GNAL: variants seen among roughly 807,000 people sequenced by gnomAD.
The protein encoded by GNAL is G protein subunit alpha L.
GNAL carries 18 observed loss-of-function variants against 55.1 expected under a neutral mutation model. That is an observed-to-expected ratio of 0.33 (90% CI 0.23 to 0.48). The LOEUF is 0.48. Among genes scored for constraint, GNAL ranks in the 20% least tolerant of loss-of-function variants. The pLI is 0.99. For missense variants in GNAL, 412 were observed against 614.1 expected, an observed-to-expected ratio of 0.67 and a Z score of 3.48; for synonymous variants, 253 against 237.0, an observed-to-expected ratio of 1.07 and a Z score of -0.62.
At chr18:11,875,535 G>A (rs2036510613) in intron 10 of GNAL, among the ~76,000 whole-genome samples, 1 of 152,112 alleles carries the variant, frequency 6.6e-6, no homozygotes, top group Non-Finnish European at 1.5e-5. Context: ...ATAGTGAATG[G>A]GTTCTGCAAC....
At chr18:11,726,564 C>A (rs2032215870) in intron 1 of GNAL, among the ~76,000 whole-genome samples, 1 of 152,186 alleles carries the variant, frequency 6.6e-6, no homozygotes, top group East Asian at 1.9e-4. Context: ...CCTGGGGTTT[C>A]TTCTCCATGT....
chr18:11,755,736 T>A (rs1241848144), intron 4 of GNAL, among the ~76,000 whole-genome samples: 1 of 152,120 alleles, frequency 6.6e-6, no homozygotes, highest in Non-Finnish European at 1.5e-5. Context: ...TCTGGCCCCA[T>A]GTCTTTAACT....
chr18:11,777,612 T>C (rs2033819169), intron 4 of GNAL, among the ~76,000 whole-genome samples: 1 of 152,250 alleles, frequency 6.6e-6, no homozygotes. Context: ...TCCTTTTGCC[T>C]GTAATGTAAT....
At chr18:11,725,463 C>G (rs958348260) in intron 1 of GNAL, among the ~76,000 whole-genome samples, 1 of 152,118 alleles carries the variant, frequency 6.6e-6, no homozygotes, top group Non-Finnish European at 1.5e-5. Flanking sequence ...TTTAAGCCAC[C>G]CAGTCTGTGA....
rs945090965 is a variant in GNAL, at chr18:11,748,525, C to G, written c.377-4328C>G. ...TTAACTTCCTGGGTATATTTTGGTA[C>G]TTTTTCATCACATCTGTTTACCTAA... On this transcript the variant is annotated intron_variant, in intron 1 of 11. Transcript: ENST00000334049. 2.0e-5 allele frequency among the ~76,000 whole-genome samples: 3 copies of G among 152,038 alleles called. No homozygotes were observed. The East Asian group carries it at 5.8e-4, about 29-fold the overall frequency.
At position 11,689,270 on chromosome 18, in the gene GNAL, T is replaced by G. The variant is rs2031157863; in HGVS notation, c.-294T>G. ...GCCGGGCTCGCGGAGGCCCGTCGGT[T>G]CGGTCCGCTCTGGGCGTTAGCAAGT... On this transcript the variant is annotated 5_prime_UTR_variant, in exon 1 of 12. Transcript: ENST00000334049. The G allele has an allele frequency of 3.8e-6, 1 of 264,876 alleles. No homozygotes were observed. Among genetic ancestry groups the G allele is most frequent in the East Asian group, 6.7e-5 (1 of 14,862 alleles). The allele number at this position is 264,876 out of a possible 1,614,324, so 16.4% of individuals were successfully genotyped here.
chr18:11,730,581 T>C (rs908102861), intron 1 of GNAL, among the ~76,000 whole-genome samples: 9 of 151,756 alleles, frequency 5.9e-5, no homozygotes, highest in Non-Finnish European at 1.0e-4. Context: ...CTGGCCAACA[T>C]GGTGAAACCC....
At chr18:11,833,216 G>A (rs1206903859) in intron 5 of GNAL, among the ~76,000 whole-genome samples, 3 of 151,994 alleles carry the variant, frequency 2.0e-5, no homozygotes, top group Non-Finnish European at 4.4e-5. Flanking sequence ...ATTTTTAGTA[G>A]AGATGAGGTT....
intron 4 of GNAL, among the ~76,000 whole-genome samples, chr18:11,754,500 A>AGCAT (rs2032974728): frequency 1.3e-5 from 2 of 152,146 alleles, no homozygotes; most frequent in Admixed American, 1.3e-4. Flanking sequence ...TCGGGAAGGC[A>AGCAT]GCATACCTTT....
chr18:11,730,120 G>C (rs1445212901), intron 1 of GNAL, among the ~76,000 whole-genome samples: 1 of 149,974 alleles, frequency 6.7e-6, no homozygotes, highest in Admixed American at 6.7e-5. Flanking sequence ...TGCAAGCTCT[G>C]CCTCCCAGGT....
chr18:11,850,139 C>G (rs181706757), intron 5 of GNAL, among the ~76,000 whole-genome samples: 1 of 152,224 alleles, frequency 6.6e-6, no homozygotes, highest in Non-Finnish European at 1.5e-5. Context: ...CACATTCTCC[C>G]CGCTGGCCGA....
At chr18:11,800,442 A>C (rs1186108797) in intron 4 of GNAL, among the ~76,000 whole-genome samples, 1 of 152,220 alleles carries the variant, frequency 6.6e-6, no homozygotes, top group South Asian at 2.1e-4. Flanking sequence ...TTCTACAGGC[A>C]TGAAAGGATG....
chr18:11,786,295 A>G (rs555553175), intron 4 of GNAL, among the ~76,000 whole-genome samples: 2 of 152,036 alleles, frequency 1.3e-5, no homozygotes, highest in Admixed American at 6.6e-5. Context: ...AACCCGGTTT[A>G]TTTTTCCTGT....
chr18:11,885,630 T>G lies in GNAL; in HGVS notation c.*4495T>G. ...TAAATAGTTGATTACTGTGTTGATT[T>G]AAATACTTATGAAAGCTTTCAGACA... is the stretch of plus-strand genomic sequence containing the variant. On this transcript the variant is annotated 3_prime_UTR_variant, in exon 12 of 12. Coordinates refer to ENST00000334049, the MANE Select transcript of GNAL (RefSeq NM_182978.4). 1 of 1,588,958 alleles carries G rather than the reference T, an allele frequency of 6.3e-7. No homozygotes were observed. The highest frequency in any genetic ancestry group is 8.6e-7 in the Non-Finnish European group (1 of 1,162,718).
rs1568031374 is a variant in GNAL, at chr18:11,796,580, A to ACG, written c.625-28338_625-28337insCG. 6.4e-4 allele frequency among the ~76,000 whole-genome samples: 95 copies of ACG among 147,798 alleles called. 1 individual carries two copies. Among genetic ancestry groups the ACG allele is most frequent in the African/African-American group, 2.3e-3 (92 of 39,194 alleles). ...CAGAGCGAGACTCCTTCTCACAAAAAAAAAAAAAAAAAAAACAAAACACGC... is the reference window on the plus strand; with the variant it reads ...CAGAGCGAGACTCCTTCTCACAAAAACGAAAAAAAAAAAAAAACAAAACACGC... On this transcript the variant is annotated intron_variant, in intron 4 of 11. Coordinates refer to ENST00000334049, the MANE Select transcript of GNAL (RefSeq NM_182978.4).
chr18:11,822,678 G>A (rs182727708), intron 4 of GNAL, among the ~76,000 whole-genome samples: 4 of 152,266 alleles, frequency 2.6e-5, no homozygotes, highest in Admixed American at 1.3e-4. Context: ...CCACATGCCT[G>A]TTAGCTCTGG....
chr18:11,741,834 A>G (rs2143480067), intron 1 of GNAL, among the ~76,000 whole-genome samples: 1 of 152,358 alleles, frequency 6.6e-6, no homozygotes, highest in Non-Finnish European at 1.5e-5. Context: ...AAAATTCTAC[A>G]TGTGCATTTT....
At chr18:11,853,445 A>G (rs1326635238) in intron 5 of GNAL, 1 of 167,146 alleles carries the variant, frequency 6.0e-6, no homozygotes, top group South Asian at 2.1e-4. Context: ...CTTGGCAAGC[A>G]TGCTAACCTA....
intron 5 of GNAL, among the ~76,000 whole-genome samples, chr18:11,850,970 T>C (rs1291030954): frequency 1.3e-5 from 2 of 152,228 alleles, no homozygotes; most frequent in Non-Finnish European, 2.9e-5. Flanking sequence ...CCAGTTCCCC[T>C]GAGAAAGTGG....
Sources: allele counts gnomAD v4.1 joint callset (sites outside exome capture counted in the v4.1 genomes callset), GRCh38; gene constraint gnomAD v4.1.1; transcripts MANE v1.5; gene names NCBI Gene and HGNC (gene_info 2026-07-23, HGNC 2026-07-21).